KIZ: variants seen among roughly 807,000 people sequenced by gnomAD.
The protein encoded by KIZ is kizuna centrosomal protein, also known as centrosomal protein kizuna.
In KIZ, 68 loss-of-function variants were observed where a neutral mutation model predicts 79.6. The ratio of observed to expected loss-of-function variants is 0.85; its 90% CI spans 0.70 to 1.05. The LOEUF (loss-of-function observed/expected upper bound fraction) is 1.05, where lower values mean the gene tolerates loss of function less well. Among genes scored for constraint, KIZ ranks in the 50% least tolerant of loss-of-function variants. The probability of loss-of-function intolerance (pLI) is 0.00; values close to 1 mark genes in which losing one functional copy is unlikely to be tolerated. For synonymous variants in KIZ, 280 were observed against 281.8 expected, an observed-to-expected ratio of 0.99 and a Z score of 0.06; for missense variants, 797 against 800.4, an observed-to-expected ratio of 1.00 and a Z score of 0.05.
intron 11 of KIZ, among the ~76,000 whole-genome samples, chr20:21,236,547 G>A (rs2037012700): frequency 6.6e-6 from 1 of 152,114 alleles, no homozygotes; most frequent in Admixed American, 6.6e-5. Flanking sequence ...TCCTGCTGCC[G>A]GGAGCCATTC....
chr20:21,140,366 TCC>T (rs1358299898), intron 3 of KIZ, among the ~76,000 whole-genome samples: 1 of 152,146 alleles, frequency 6.6e-6, no homozygotes. Flanking sequence ...TTGGTAGAAT[TCC>T]AGAAAGTGCA....
chr20:21,179,214 T>G (rs1174558458), intron 6 of KIZ, among the ~76,000 whole-genome samples: 9 of 150,904 alleles, frequency 6.0e-5, no homozygotes, highest in South Asian at 4.2e-4. Context: ...TTTTTGTTTT[T>G]TTTTTTTTTT....
chr20:21,133,777 G>T (rs1256510779), intron 2 of KIZ, among the ~76,000 whole-genome samples: 1 of 152,226 alleles, frequency 6.6e-6, no homozygotes, highest in Non-Finnish European at 1.5e-5. Flanking sequence ...GGGCTGGGCT[G>T]ACCGAAATAA....
intron 11 of KIZ, among the ~76,000 whole-genome samples, chr20:21,242,276 G>A (rs916722691): frequency 6.6e-6 from 1 of 152,230 alleles, no homozygotes; most frequent in Admixed American, 6.5e-5. Flanking sequence ...ACTCCTGGGG[G>A]ATCCACCTTG....
At chr20:21,190,702 C>T (rs1023462702) in intron 6 of KIZ, among the ~76,000 whole-genome samples, 1 of 152,032 alleles carries the variant, frequency 6.6e-6, no homozygotes, top group African/African-American at 2.4e-5. Context: ...TTTCATGGGT[C>T]TTAGGAGGAT....
Position 21,198,893 on chromosome 20 carries a change from A to G in KIZ, c.1353-6598A>G, listed in dbSNP as rs1473829101. 5 of 152,534 alleles carry G rather than the reference A, an allele frequency of 3.3e-5. No homozygotes were observed. The East Asian group carries it at 5.8e-4, about 18-fold the overall frequency. The allele number at this position is 152,534 out of a possible 1,614,324, so 9.4% of individuals were successfully genotyped here. ...CACGGTCTTAAAATAATCCTTTACA[A>G]CGTAGTGGAAGAAGCTGGTTTGGGA... On this transcript the variant is annotated intron_variant, in intron 6 of 12. Transcript: ENST00000619189.
chr20:21,147,086 ACATATTCTTAGCACGG>A (rs1470326658), intron 4 of KIZ, among the ~76,000 whole-genome samples: 1 of 152,188 alleles, frequency 6.6e-6, no homozygotes, highest in Non-Finnish European at 1.5e-5. Context: ...TTCTTGATAG[ACATATTCTTAGCACGG>A]CAGTGTCAAT....
chr20:21,150,004 TTGAG>T (rs1192844986), intron 4 of KIZ, among the ~76,000 whole-genome samples: 1 of 152,164 alleles, frequency 6.6e-6, no homozygotes, highest in Admixed American at 6.5e-5. Flanking sequence ...GAGTGTGTGA[TTGAG>T]TGGGTTATCA....
chr20:21,145,288 CAT>C (rs2032789537), intron 3 of KIZ, among the ~76,000 whole-genome samples: 1 of 151,298 alleles, frequency 6.6e-6, no homozygotes, highest in Non-Finnish European at 1.5e-5. Context: ...TACACATATA[CAT>C]GTGTATATAT....
At chr20:21,127,603 T>C (rs1002036765) in intron 1 of KIZ, among the ~76,000 whole-genome samples, 6 of 152,254 alleles carry the variant, frequency 3.9e-5, no homozygotes, top group Admixed American at 3.9e-4. Context: ...TCGAGATTTG[T>C]TTTATTTTTA....
intron 11 of KIZ, among the ~76,000 whole-genome samples, chr20:21,236,353 A>C (rs1569003508): frequency 6.6e-6 from 1 of 152,210 alleles, no homozygotes; most frequent in Non-Finnish European, 1.5e-5. Context: ...TCTGTTTTTC[A>C]GAAACATATG....
At chr20:21,188,728 C>A (rs1050259804) in intron 6 of KIZ, among the ~76,000 whole-genome samples, 1 of 125,186 alleles carries the variant, frequency 8.0e-6, no homozygotes, top group African/African-American at 3.1e-5. Flanking sequence ...GAGACGGAGT[C>A]TTGCCCTGTC....
At chr20:21,193,274 A>C (rs1398428648) in intron 6 of KIZ, among the ~76,000 whole-genome samples, 1 of 152,208 alleles carries the variant, frequency 6.6e-6, no homozygotes, top group East Asian at 1.9e-4. Flanking sequence ...GAAACACAAA[A>C]ATTTAACTCA....
At chr20:21,199,691 A>G (rs2035508179) in intron 6 of KIZ, among the ~76,000 whole-genome samples, 1 of 152,212 alleles carries the variant, frequency 6.6e-6, no homozygotes, top group Non-Finnish European at 1.5e-5. Flanking sequence ...CTCCAAATCT[A>G]AGTGAAATAG....
At chr20:21,161,568 A>T (rs1002611106) in intron 4 of KIZ, among the ~76,000 whole-genome samples, 1 of 152,054 alleles carries the variant, frequency 6.6e-6, no homozygotes, top group Non-Finnish European at 1.5e-5. Flanking sequence ...CTGACCTCAG[A>T]TGATCTGCCC....
At chr20:21,172,259 A>T (rs193276215) in intron 6 of KIZ, among the ~76,000 whole-genome samples, 9 of 152,328 alleles carry the variant, frequency 5.9e-5, no homozygotes, top group Non-Finnish European at 7.3e-5. Context: ...ATGATCATGC[A>T]TGTGGAGAAG....
chr20:21,223,343 A>G (rs2036559901), intron 9 of KIZ, among the ~76,000 whole-genome samples: 2 of 152,182 alleles, frequency 1.3e-5, no homozygotes, highest in African/African-American at 4.8e-5. Context: ...GAGTTGCCCC[A>G]TAGAAGTTAA....
intron 7 of KIZ, among the ~76,000 whole-genome samples, chr20:21,207,727 G>A (rs1002402534): frequency 1.3e-5 from 2 of 151,146 alleles, no homozygotes; most frequent in African/African-American, 2.4e-5. Context: ...TTTTCGAGAC[G>A]GAGTCTTGTT....
chr20:21,202,525 A>G (rs546571128), intron 6 of KIZ, among the ~76,000 whole-genome samples: 23 of 152,358 alleles, frequency 1.5e-4, no homozygotes, highest in Admixed American at 1.1e-3. Context: ...AAGGATTCCA[A>G]TGACTCATCT....
Sources: gnomAD v4.1 joint callset for allele counts (sites outside exome capture counted in the v4.1 genomes callset) on GRCh38, gnomAD v4.1.1 for gene constraint, MANE v1.5 for transcripts, NCBI Gene and HGNC (gene_info 2026-07-23, HGNC 2026-07-21) for gene names.